Variants in PRIM2 observed in about 807,000 individuals in gnomAD.
The protein encoded by PRIM2 is DNA primase large subunit.
Under a neutral mutation model 67.3 loss-of-function variants are expected in PRIM2, and 39 were observed. The ratio of observed to expected loss-of-function variants is 0.58; its 90% CI spans 0.45 to 0.76. The LOEUF is 0.76. Among genes scored for constraint, PRIM2 ranks in the 30% least tolerant of loss-of-function variants. PRIM2 has a pLI of 0.00. For missense variants in PRIM2, 398 were observed against 598.7 expected (o/e 0.66, Z 3.50); for synonymous variants, 143 against 198.7 (o/e 0.72, Z 2.36).
Position 57,578,676 on chromosome 6 carries a change from G to T in PRIM2, c.1021-22417G>T, listed in dbSNP as rs1467986299. Among the ~76,000 whole-genome samples, 103 of 101,306 alleles carry T rather than the reference G, an allele frequency of 1.0e-3. 2 individuals carry two copies. The Middle Eastern group carries it at 0.016, about 16-fold the overall frequency. The allele number at this position is 101,306 out of a possible 152,430, so 66.5% of individuals were successfully genotyped here. A position where few individuals can be genotyped will look rare whatever the true frequency, so the allele number is the denominator to read the frequency against. ...CACCTCCTTCCTTCTTTTGTTTTTT[G>T]TTTTTTTTTTTTTTTTTTGAGACGG... On this transcript the variant is annotated intron_variant, in intron 10 of 13. Transcript: ENST00000615550.
intron 10 of PRIM2, among the ~76,000 whole-genome samples, chr6:57,556,394 T>C (rs1775514369): frequency 1.3e-5 from 2 of 152,100 alleles, no homozygotes; most frequent in Admixed American, 6.5e-5. Flanking sequence ...CAAACTATAC[T>C]ACAGGGCTAC....
chr6:57,257,927 A>T, the PRIM2 span, among the ~76,000 whole-genome samples: 2 of 152,046 alleles, frequency 1.3e-5, no homozygotes, highest in Non-Finnish European at 2.9e-5. Flanking sequence ...TCTTTTGTTA[A>T]GTTGTCTCAG....
chr6:57,480,496 G>T (rs1773593676), intron 7 of PRIM2, among the ~76,000 whole-genome samples: 1 of 152,136 alleles, frequency 6.6e-6, no homozygotes, highest in Non-Finnish European at 1.5e-5. Flanking sequence ...GTGTATGTGA[G>T]TATGGAATTT....
the PRIM2 span, among the ~76,000 whole-genome samples, chr6:57,261,852 CTCTCACCAGG>C: frequency 2.0e-5 from 3 of 152,244 alleles, no homozygotes; most frequent in Non-Finnish European, 4.4e-5. Context: ...GTCTCACCAG[CTCTCACCAGG>C]TCTCTCTCTA....
chr6:57,504,166 G>A (rs1774203741), intron 7 of PRIM2, among the ~76,000 whole-genome samples: 2 of 152,102 alleles, frequency 1.3e-5, no homozygotes, highest in African/African-American at 4.8e-5. Context: ...ACTCCCTTTT[G>A]TCTCTTGTAC....
At chr6:57,313,108 A>C (rs142373399), upstream of PRIM2, among the ~76,000 whole-genome samples, 54 of 152,304 alleles carry the variant, frequency 3.5e-4, no homozygotes, top group African/African-American at 1.3e-3. Flanking sequence ...TTAGCCTTCC[A>C]TCTGCCTGAA....
At chr6:57,633,374 A>G (rs1366984362) in intron 13 of PRIM2, among the ~76,000 whole-genome samples, 1 of 152,200 alleles carries the variant, frequency 6.6e-6, no homozygotes, top group African/African-American at 2.4e-5. Flanking sequence ...TGACCCTCCC[A>G]AAAAGGAAGT....
intron 7 of PRIM2, among the ~76,000 whole-genome samples, chr6:57,429,514 A>C (rs4554315): frequency 6.6e-6 from 1 of 152,216 alleles, no homozygotes; most frequent in Non-Finnish European, 1.5e-5. Context: ...GTTTGATAAA[A>C]GAGTCTTTAT....
intron 12 of PRIM2, among the ~76,000 whole-genome samples, chr6:57,615,445 G>A (rs1776738861): frequency 6.7e-6 from 1 of 150,082 alleles, no homozygotes; most frequent in South Asian, 2.1e-4. Flanking sequence ...AAAAAATTGA[G>A]AATATGTGTT....
intron 8 of PRIM2, among the ~76,000 whole-genome samples, chr6:57,508,476 A>G (rs1774295291): frequency 6.6e-6 from 1 of 152,124 alleles, no homozygotes; most frequent in East Asian, 1.9e-4. Flanking sequence ...TTCCTTCTAT[A>G]AAATAATGCT....
At chr6:57,428,446 T>C (rs1398099452) in intron 7 of PRIM2, among the ~76,000 whole-genome samples, 1 of 152,216 alleles carries the variant, frequency 6.6e-6, no homozygotes, top group African/African-American at 2.4e-5. Context: ...GTAAATATAC[T>C]TGAAGAAAGA....
At chr6:57,434,453 T>A (rs937842308) in intron 7 of PRIM2, among the ~76,000 whole-genome samples, 2 of 152,100 alleles carry the variant, frequency 1.3e-5, no homozygotes, top group African/African-American at 2.4e-5. Context: ...TCTCAAGAAT[T>A]TGCCCTGAAA....
At chr6:57,593,407 A>C (rs1776316003) in intron 10 of PRIM2, among the ~76,000 whole-genome samples, 1 of 150,518 alleles carries the variant, frequency 6.6e-6, no homozygotes, top group Non-Finnish European at 1.5e-5. Flanking sequence ...GGTTCAAGTG[A>C]CTCTCTTGCC....
At chr6:57,237,706 G>T in the PRIM2 span, among the ~76,000 whole-genome samples, 3 of 152,116 alleles carry the variant, frequency 2.0e-5, no homozygotes, top group African/African-American at 2.4e-5. Context: ...TCTCAGGTTT[G>T]TCAAAGATCA....
the PRIM2 span, among the ~76,000 whole-genome samples, chr6:57,274,836 G>A: frequency 1.3e-5 from 2 of 152,138 alleles, no homozygotes; most frequent in Non-Finnish European, 2.9e-5. Context: ...GAGTGCAGTG[G>A]TGTGATCTCG....
intron 13 of PRIM2, among the ~76,000 whole-genome samples, chr6:57,635,954 C>G (rs1468805478): frequency 3.3e-5 from 5 of 152,118 alleles, no homozygotes; most frequent in African/African-American, 1.2e-4. Context: ...AAGATGAAAT[C>G]TAAAATTTAT....
At chr6:57,521,304 C>A (rs1774613815) in intron 8 of PRIM2, among the ~76,000 whole-genome samples, 1 of 147,322 alleles carries the variant, frequency 6.8e-6, no homozygotes, top group South Asian at 2.2e-4. Context: ...ACCCACCCAA[C>A]AAATCCAAAG....
the PRIM2 span, among the ~76,000 whole-genome samples, chr6:57,285,095 G>C: frequency 6.6e-6 from 1 of 152,156 alleles, no homozygotes; most frequent in Non-Finnish European, 1.5e-5. Context: ...TCCCTGAATA[G>C]ACCAATAACA....
At chr6:57,237,104 A>G in the PRIM2 span, among the ~76,000 whole-genome samples, 4 of 151,534 alleles carry the variant, frequency 2.6e-5, no homozygotes, top group African/African-American at 4.8e-5. Context: ...AATGATCGCC[A>G]TTCTAACTGG....
Sources: gnomAD v4.1 joint callset for allele counts (sites outside exome capture counted in the v4.1 genomes callset) on GRCh38, gnomAD v4.1.1 for gene constraint, MANE v1.5 for transcripts, NCBI Gene and HGNC (gene_info 2026-07-23, HGNC 2026-07-21) for gene names.